DENND5B: variants seen among roughly 807,000 people sequenced by gnomAD.
The protein encoded by DENND5B is DENN domain-containing protein 5B.
DENND5B carries 34 observed loss-of-function variants against 140.6 expected under a neutral mutation model. That is an observed-to-expected ratio of 0.24 (90% confidence interval 0.18 to 0.32). The LOEUF (loss-of-function observed/expected upper bound fraction) is 0.32. Among genes scored for constraint, DENND5B ranks in the 10% least tolerant of loss-of-function variants. The pLI is 1.00. For missense variants in DENND5B, 1,142 were observed against 1,560.2 expected, an observed-to-expected ratio of 0.73 and a Z score of 4.52; for synonymous variants, 551 against 562.1, an observed-to-expected ratio of 0.98 and a Z score of 0.28.
rs904665480 is a variant in DENND5B at position 31,475,850 on chromosome 12, G to A, written c.904+3739C>T. Among the ~76,000 whole-genome samples, 3 of 152,256 alleles carry A rather than the reference G, an allele frequency of 2.0e-5. No individual in the cohort carries two copies. The South Asian group carries it at 6.2e-4, about 32-fold the overall frequency. On this transcript the variant is annotated intron_variant, in intron 3 of 20. Coordinates refer to ENST00000389082, the MANE Select transcript of DENND5B (RefSeq NM_144973.4). ...TTAAAAGAGGAGGTGTGGGCCGGGT[G>A]CGGTGGCTTACACCTGTAATCCCAG...
At chr12:31,531,595 T>C (rs1948285093) in intron 1 of DENND5B, among the ~76,000 whole-genome samples, 1 of 152,148 alleles carries the variant, frequency 6.6e-6, no homozygotes, top group Non-Finnish European at 1.5e-5. Flanking sequence ...GCACTATAGG[T>C]TTACTTTAGG....
intron 1 of DENND5B, among the ~76,000 whole-genome samples, chr12:31,536,931 T>C (rs1948516886): frequency 6.6e-6 from 1 of 152,150 alleles, no homozygotes; most frequent in Admixed American, 6.6e-5. Context: ...ATAACATATT[T>C]AAAGTGCTGA....
chr12:31,439,895 ACT>A (rs1355205175), intron 7 of DENND5B, among the ~76,000 whole-genome samples: 1 of 125,864 alleles, frequency 7.9e-6, no homozygotes, highest in Non-Finnish European at 1.6e-5. Context: ...GTACCATTGC[ACT>A]CTGGCCTGGG....
At chr12:31,552,141 C>T (rs1209920463) in intron 1 of DENND5B, among the ~76,000 whole-genome samples, 3 of 152,142 alleles carry the variant, frequency 2.0e-5, no homozygotes, top group African/African-American at 7.2e-5. Flanking sequence ...CTGTCTTGTG[C>T]CTGTTTTCAA....
chr12:31,426,186 T>C, intron 9 of DENND5B, 107 bp downstream of exon 9: 1 of 1,363,690 alleles, frequency 7.3e-7, no homozygotes, highest in Non-Finnish European at 9.7e-7. Flanking sequence ...AAAAGTTTTC[T>C]TCTAGCAAAA....
At chr12:31,548,550 C>T (rs1436525007) in intron 1 of DENND5B, among the ~76,000 whole-genome samples, 1 of 152,048 alleles carries the variant, frequency 6.6e-6, no homozygotes, top group Non-Finnish European at 1.5e-5. Context: ...GAACCTAGTT[C>T]AATAAACAAA....
At chr12:31,497,706 C>T (rs555606055) in intron 1 of DENND5B, among the ~76,000 whole-genome samples, 1 of 139,776 alleles carries the variant, frequency 7.2e-6, no homozygotes, top group Admixed American at 7.5e-5. Context: ...CTGAGGTGGG[C>T]AGATCACTTG....
chr12:31,554,303 T>C (rs1367825068), intron 1 of DENND5B, among the ~76,000 whole-genome samples: 1 of 152,208 alleles, frequency 6.6e-6, no homozygotes, highest in Admixed American at 6.5e-5. Flanking sequence ...TAAAGTATTT[T>C]ATTTCTCCTT....
At chr12:31,534,997 C>T (rs542638421) in intron 1 of DENND5B, 12 of 229,402 alleles carry the variant, frequency 5.2e-5, no homozygotes, top group Non-Finnish European at 8.7e-5. Context: ...TAGCTTGAAC[C>T]TGGGAGGTGG....
At chr12:31,499,505 T>C in intron 1 of DENND5B, 1 of 951,124 alleles carries the variant, frequency 1.1e-6, no homozygotes, top group Middle Eastern at 3.4e-4. Context: ...TCTACAAGTC[T>C]GACCAAGCAA....
chr12:31,429,211 G>A (rs997550058), intron 8 of DENND5B, among the ~76,000 whole-genome samples: 4 of 151,974 alleles, frequency 2.6e-5, no homozygotes, highest in African/African-American at 9.7e-5. Context: ...GTTTCACTAT[G>A]TTGGTCAGGC....
chr12:31,524,556 G>A (rs371225416), intron 1 of DENND5B, among the ~76,000 whole-genome samples: 1 of 152,182 alleles, frequency 6.6e-6, no homozygotes, highest in Non-Finnish European at 1.5e-5. Flanking sequence ...GGGAGGCTGA[G>A]GGAGGAGAAT....
intron 5 of DENND5B, among the ~76,000 whole-genome samples, chr12:31,451,435 T>C (rs935682433): frequency 2.0e-5 from 3 of 152,144 alleles, no homozygotes; most frequent in Admixed American, 1.3e-4. Context: ...GCGATTCTCC[T>C]GCCTCAGCCT....
Position 31,427,390 on chromosome 12 carries a change from A to G in DENND5B, c.2107-966T>C, listed in dbSNP as rs368780356. The stretch of plus-strand genomic sequence containing the variant: ...GAAGCCGAGGTGGGTGGATCACCAG[A>G]GGTCAGGAGCACGTGACCAGCCTGG... On this transcript the variant is annotated intron_variant, in intron 8 of 20. Coordinates refer to ENST00000389082, the MANE Select transcript of DENND5B (RefSeq NM_144973.4). 1.2e-4 allele frequency among the ~76,000 whole-genome samples: 18 copies of G among 151,174 alleles called. No homozygotes were observed. The East Asian group carries it at 2.7e-3, about 23-fold the overall frequency.
At chr12:31,435,822 G>A (rs1324817390) in intron 7 of DENND5B, among the ~76,000 whole-genome samples, 2 of 151,578 alleles carry the variant, frequency 1.3e-5, no homozygotes, top group Non-Finnish European at 2.9e-5. Context: ...CACCACACCC[G>A]GCTAATTTTT....
At chr12:31,403,933 A>G (rs1593072388) in intron 14 of DENND5B, among the ~76,000 whole-genome samples, 1 of 144,928 alleles carries the variant, frequency 6.9e-6, no homozygotes, top group East Asian at 2.0e-4. Flanking sequence ...AAGTGCAGAC[A>G]GGGCCAGGCA....
chr12:31,472,095 G>A (rs553815234), intron 3 of DENND5B, among the ~76,000 whole-genome samples: 32 of 152,206 alleles, frequency 2.1e-4, no homozygotes, highest in Middle Eastern at 3.4e-3. Flanking sequence ...CCTTTTATGT[G>A]GGCACTCCAT....
intron 1 of DENND5B, among the ~76,000 whole-genome samples, chr12:31,578,224 A>T (rs973862810): frequency 3.3e-5 from 5 of 151,316 alleles, no homozygotes; most frequent in African/African-American, 7.3e-5. Context: ...CTTTTGGATC[A>T]TTTTTTATTG....
chr12:31,540,451 C>T (rs1413899893), intron 1 of DENND5B, among the ~76,000 whole-genome samples: 3 of 152,088 alleles, frequency 2.0e-5, no homozygotes, highest in Non-Finnish European at 4.4e-5. Flanking sequence ...GCCAAGAGTT[C>T]CAGACCAGCC....
Sources: gnomAD v4.1 joint callset for allele counts (sites outside exome capture counted in the v4.1 genomes callset) on GRCh38, gnomAD v4.1.1 for gene constraint, MANE v1.5 for transcripts, NCBI Gene and HGNC (gene_info 2026-07-23, HGNC 2026-07-21) for gene names.